The following CDKAL1 variants were observed in gnomAD, a reference collection of about 807,000 sequenced individuals.
CDKAL1 encodes threonylcarbamoyladenosine tRNA methylthiotransferase.
Under a neutral mutation model 68.2 loss-of-function variants are expected in CDKAL1, and 32 were observed. The observed-to-expected ratio is 0.47, with a 90% CI of 0.35 to 0.63. CDKAL1 has a LOEUF of 0.63. CDKAL1 is among the 30% of genes least tolerant of loss of function. The pLI, the probability that CDKAL1 is intolerant of heterozygous loss-of-function variation, is 0.00. For missense variants in CDKAL1, 606 were observed against 696.7 expected (o/e 0.87, Z 1.47); for synonymous variants, 234 against 244.3 (o/e 0.96, Z 0.39).
chr6:20,645,473 T>A (rs1768399340), intron 4 of CDKAL1, among the ~76,000 whole-genome samples: 1 of 152,130 alleles, frequency 6.6e-6, no homozygotes, highest in Non-Finnish European at 1.5e-5. Context: ...GGCTCACACC[T>A]GTAATGCTAG....
chr6:20,759,844 A>G (rs1189901996), intron 7 of CDKAL1, among the ~76,000 whole-genome samples: 1 of 152,210 alleles, frequency 6.6e-6, no homozygotes, highest in Non-Finnish European at 1.5e-5. Flanking sequence ...ATGAAAACCA[A>G]TAATATGATA....
In CDKAL1 at chr6:21,203,691, C is replaced by CTT. The variant is rs915087377; in HGVS notation, c.1548+2442_1548+2443dup. On this transcript the variant is annotated intron_variant, in intron 15 of 15. Transcript: ENST00000274695. The stretch of plus-strand genomic sequence containing the variant: ...GGACTTATTTTGTCTCACTTGACCT[C>CTT]TTTTTTTTTTTTTTTTTTTTTTTTT... Among the ~76,000 whole-genome samples the CTT allele has an allele frequency of 1.2e-3, 117 of 94,094 alleles. 15 individuals are homozygous for CTT. The highest frequency in any genetic ancestry group is 3.2e-3 in the African/African-American group (69 of 21,640). The allele number at this position is 94,094 out of a possible 152,430, so 61.7% of individuals were successfully genotyped here.
chr6:20,955,607 G>A (rs746845362), intron 10 of CDKAL1, 22 bp downstream of exon 10: 3 of 1,611,160 alleles, frequency 1.9e-6, no homozygotes, highest in Non-Finnish European at 2.5e-6. Context: ...CACCCTATTT[G>A]CATGCTAACA....
intron 5 of CDKAL1, 38 bp from the exon 6 acceptor site, chr6:20,739,481 G>A: frequency 2.3e-6 from 3 of 1,323,488 alleles, no homozygotes; most frequent in South Asian, 2.4e-5. Context: ...ATACCCATGA[G>A]CAAAGGAATT....
chr6:21,035,780 T>C (rs898405023), intron 11 of CDKAL1, among the ~76,000 whole-genome samples: 1 of 152,096 alleles, frequency 6.6e-6, no homozygotes, highest in African/African-American at 2.4e-5. Context: ...TCCTTGAAAA[T>C]GTATTTTCAC....
At chr6:20,562,463 C>G (rs1175745988) in intron 4 of CDKAL1, among the ~76,000 whole-genome samples, 1 of 152,136 alleles carries the variant, frequency 6.6e-6, no homozygotes, top group African/African-American at 2.4e-5. Flanking sequence ...AAAAAATTCA[C>G]TGTTGGTCAG....
intron 9 of CDKAL1, among the ~76,000 whole-genome samples, chr6:20,892,027 A>G (rs1581776909): frequency 6.6e-6 from 1 of 152,082 alleles, no homozygotes; most frequent in African/African-American, 2.4e-5. Flanking sequence ...TTCTTGTTGC[A>G]TATATATCTG....
chr6:20,817,329 T>A (rs1777088597), intron 8 of CDKAL1, among the ~76,000 whole-genome samples: 1 of 152,216 alleles, frequency 6.6e-6, no homozygotes, highest in African/African-American at 2.4e-5. Flanking sequence ...GCTTATTTTC[T>A]TTTGTTTACA....
At chr6:20,969,259 A>C (rs1765474911) in intron 10 of CDKAL1, among the ~76,000 whole-genome samples, 1 of 152,178 alleles carries the variant, frequency 6.6e-6, no homozygotes, top group South Asian at 2.1e-4. Context: ...CAATTAATGC[A>C]CGTGTGTTAT....
chr6:20,541,166 A>G (rs1244917931), intron 2 of CDKAL1, among the ~76,000 whole-genome samples: 2 of 152,156 alleles, frequency 1.3e-5, no homozygotes, highest in African/African-American at 2.4e-5. Flanking sequence ...GTAGTAAATA[A>G]TTAGAAGCAA....
At chr6:20,848,381 A>T (rs568136830) in intron 9 of CDKAL1, among the ~76,000 whole-genome samples, 2 of 151,722 alleles carry the variant, frequency 1.3e-5, no homozygotes, top group South Asian at 4.2e-4. Context: ...CATAGTTTGT[A>T]TAAAGTGATT....
chr6:20,577,578 C>T (rs920714090), intron 4 of CDKAL1, among the ~76,000 whole-genome samples: 4 of 152,172 alleles, frequency 2.6e-5, no homozygotes, highest in Admixed American at 2.6e-4. Context: ...GGAATAGGTG[C>T]TCAGTAAGTG....
intron 13 of CDKAL1, among the ~76,000 whole-genome samples, chr6:21,109,423 G>A (rs1774014710): frequency 1.3e-5 from 2 of 152,196 alleles, no homozygotes; most frequent in Admixed American, 1.3e-4. Context: ...CTGGATTCAG[G>A]AGGGAAAAAT....
intron 4 of CDKAL1, among the ~76,000 whole-genome samples, chr6:20,600,615 CTA>C (rs1457299132): frequency 4.6e-5 from 7 of 151,078 alleles, no homozygotes; most frequent in Non-Finnish European, 3.0e-5. Context: ...TTTTTTAATC[CTA>C]TGAGTGGTCT....
At chr6:20,653,977 C>T (rs972733970) in intron 5 of CDKAL1, among the ~76,000 whole-genome samples, 2 of 151,962 alleles carry the variant, frequency 1.3e-5, no homozygotes, top group Non-Finnish European at 2.9e-5. Context: ...GAACTTCTGA[C>T]TTCAAGTGAT....
chr6:20,850,391 T>A (rs575198816), intron 9 of CDKAL1, among the ~76,000 whole-genome samples: 31 of 152,318 alleles, frequency 2.0e-4, no homozygotes, highest in African/African-American at 7.2e-4. Flanking sequence ...TTTCCAGTCA[T>A]ATGATAGAAT....
At chr6:20,617,115 C>G (rs1253944815) in intron 4 of CDKAL1, among the ~76,000 whole-genome samples, 1 of 151,260 alleles carries the variant, frequency 6.6e-6, no homozygotes, top group African/African-American at 2.4e-5. Context: ...GATGTCTGTG[C>G]TTTTACTGGT....
intron 4 of CDKAL1, among the ~76,000 whole-genome samples, chr6:20,626,917 C>A (rs563944663): frequency 1.3e-5 from 2 of 152,256 alleles, no homozygotes; most frequent in African/African-American, 4.8e-5. Context: ...CACATGGCCA[C>A]CTCTATCTGG....
intron 15 of CDKAL1, among the ~76,000 whole-genome samples, chr6:21,225,164 C>T (rs551919131): frequency 2.6e-5 from 4 of 152,222 alleles, no homozygotes; most frequent in African/African-American, 9.6e-5. Context: ...TGAGGAGGGC[C>T]AGCTGACAAG....
Sources: gnomAD v4.1 joint callset for allele counts (sites outside exome capture counted in the v4.1 genomes callset) on GRCh38, gnomAD v4.1.1 for gene constraint, MANE v1.5 for transcripts, NCBI Gene and HGNC (gene_info 2026-07-23, HGNC 2026-07-21) for gene names.